TXNDC17: variants seen among roughly 807,000 people sequenced by gnomAD.
The protein encoded by TXNDC17 is thioredoxin domain containing 17, also known as thioredoxin domain-containing protein 17.
TXNDC17 carries 12 observed loss-of-function variants against 16.3 expected under a neutral mutation model. The ratio of observed to expected loss-of-function variants is 0.74; its 90% CI spans 0.47 to 1.19. The LOEUF (loss-of-function observed/expected upper bound fraction) is 1.19. Ranked by LOEUF, TXNDC17 falls within the 50% of genes most tolerant of loss-of-function variation. The pLI is 0.00. For missense variants in TXNDC17, 158 were observed against 149.7 expected (o/e 1.06, Z -0.29); for synonymous variants, 62 against 55.0 (o/e 1.13, Z -0.56).
rs770661783 is a variant in TXNDC17 at position 6,644,494 on chromosome 17, T to C, written c.*1475T>C. The C allele has an allele frequency of 3.1e-6, 5 of 1,606,622 alleles. No individual in the cohort carries two copies. The Admixed American group carries it at 5.2e-5, about 17-fold the overall frequency. On this transcript the variant is annotated 3_prime_UTR_variant, in exon 4 of 4. Transcript: ENST00000250101. The stretch of plus-strand genomic sequence containing the variant: ...ATTTTCCCGATGTGTTATTTTGCTG[T>C]TGCTGCTCTGCCAAGGCTTGCTGAA...
intron 1 of TXNDC17, 181 bp from the exon 2 acceptor site, chr17:6,641,572 C>A: frequency 1.5e-6 from 1 of 686,216 alleles, no homozygotes; most frequent in Non-Finnish European, 2.5e-6. Context: ...GGATTTGGTC[C>A]TTACCCTTAA....
intron 2 of TXNDC17, chr17:6,642,048 T>G: frequency 1.5e-6 from 1 of 657,564 alleles, no homozygotes; most frequent in Non-Finnish European, 2.7e-6. Context: ...AGAACTTAGC[T>G]GGCTTTACTT....
At position 6,643,947 on chromosome 17, in the gene TXNDC17, T is replaced by A. The variant is rs1421688391; in HGVS notation, c.*928T>A. Reference sequence around the variant, plus strand: ...TCTTAAAGCCACCTTGCAAAGCAGGTAATACAGTTATTTCCTGTCCTGCAG... The same window carrying A: ...TCTTAAAGCCACCTTGCAAAGCAGGAAATACAGTTATTTCCTGTCCTGCAG... On this transcript the variant is annotated 3_prime_UTR_variant, in exon 4 of 4. Transcript: ENST00000250101. 4 of 396,160 alleles carry A rather than the reference T, an allele frequency of 1.0e-5. No homozygotes were observed. Among genetic ancestry groups the A allele is most frequent in the African/African-American group, 2.1e-5 (1 of 48,586 alleles). 24.5% of individuals were successfully genotyped at this position (396,160 alleles called of 1,614,324 possible).
rs1414771932 is a variant in TXNDC17, at chr17:6,643,223, A to G, written c.*204A>G. On this transcript the variant is annotated 3_prime_UTR_variant, in exon 4 of 4. Coordinates refer to ENST00000250101, the MANE Select transcript of TXNDC17 (RefSeq NM_032731.4). ...TTTTAAGATATAAAGAAGTCTTCAG[A>G]AATAGCAGTAAAGGCTCAAAGGAAC... The G allele has an allele frequency of 2.0e-6, 1 of 490,948 alleles. No individual in the cohort carries two copies. The highest frequency in any genetic ancestry group is 3.4e-5 in the East Asian group (1 of 29,726). The allele number at this position is 490,948 out of a possible 1,614,324, so 30.4% of individuals were successfully genotyped here. A position where few individuals can be genotyped will look rare whatever the true frequency, so the allele number is the denominator to read the frequency against.
intron 3 of TXNDC17, 47 bp downstream of exon 3, chr17:6,642,371 C>G: frequency 1.6e-6 from 2 of 1,289,760 alleles, no homozygotes; most frequent in Non-Finnish European, 1.1e-6. Flanking sequence ...TGTCAGAACT[C>G]TTTTAACTTG....
chr17:6,643,167 A>T lies in TXNDC17; in HGVS notation c.*148A>T. The T allele has an allele frequency of 1.6e-6, 1 of 632,718 alleles. No individual in the cohort carries two copies. Among genetic ancestry groups the T allele is most frequent in the African/African-American group, 1.8e-5 (1 of 54,270 alleles). The allele number at this position is 632,718 out of a possible 1,614,324, so 39.2% of individuals were successfully genotyped here. A position where few individuals can be genotyped will look rare whatever the true frequency, so the allele number is the denominator to read the frequency against. ...ATAGAGTGCTATTAAAATGCCCATG[A>T]ACCTTTAGTTTGCCTGTAATACATG... On this transcript the variant is annotated 3_prime_UTR_variant, in exon 4 of 4. Coordinates refer to ENST00000250101, the MANE Select transcript of TXNDC17 (RefSeq NM_032731.4).
In TXNDC17 at chr17:6,644,380, AG is replaced by A; in HGVS notation, c.*1363del. On this transcript the variant is annotated 3_prime_UTR_variant, in exon 4 of 4. Coordinates refer to ENST00000250101, the MANE Select transcript of TXNDC17 (RefSeq NM_032731.4). ...AGGGGCTACCATAATAAAGGTAGAT[AG>A]GAAGAGTTTTCATTTTTTTTGTCTT... The A allele has an allele frequency of 7.0e-7, 1 of 1,430,958 alleles. No individual in the cohort carries two copies. The highest frequency in any genetic ancestry group is 1.6e-5 in the South Asian group (1 of 62,590). 88.6% of individuals were successfully genotyped at this position (1,430,958 alleles called of 1,614,324 possible). A position where few individuals can be genotyped will look rare whatever the true frequency, so the allele number is the denominator to read the frequency against.
chr17:6,642,144 G>C (rs2285998), intron 2 of TXNDC17, 105 bp from the exon 3 acceptor site: 1 of 804,096 alleles, frequency 1.2e-6, no homozygotes, highest in Non-Finnish European at 2.0e-6. Flanking sequence ...GTGTTTGCAA[G>C]AACAGTGATT....
chr17:6,641,574 T>C (rs1017371958), intron 1 of TXNDC17, 179 bp from the exon 2 acceptor site: 1 of 687,984 alleles, frequency 1.5e-6, no homozygotes, highest in African/African-American at 1.8e-5. Flanking sequence ...ATTTGGTCCT[T>C]ACCCTTAACG....
In TXNDC17 at chr17:6,641,841, G is replaced by T. The variant is rs374974138; in HGVS notation, c.227+7G>T. 79 of 1,613,758 alleles carry T rather than the reference G, an allele frequency of 4.9e-5. No individual in the cohort carries two copies. The African/African-American group carries it at 9.6e-4, about 20-fold the overall frequency. On this transcript the variant is annotated splice_region_variant and intron_variant, in intron 2 of 3. Transcript: ENST00000250101. Reference sequence around the variant, plus strand: ...AAGTAGGAGAAAAGCCTTAGTAAGTGGCAATGTATAATCTACCTCGCAGAC... The same window carrying T: ...AAGTAGGAGAAAAGCCTTAGTAAGTTGCAATGTATAATCTACCTCGCAGAC...
chr17:6,643,116 T>TA lies in TXNDC17; in HGVS notation c.*104dup, dbSNP rs563191962. ...AATTCATGTTAGCAATAAATGATGTTAAAAAAACTGGCATGTGTCTAAACA... is the reference window on the plus strand; with the variant it reads ...AATTCATGTTAGCAATAAATGATGTTAAAAAAAACTGGCATGTGTCTAAACA... On this transcript the variant is annotated 3_prime_UTR_variant, in exon 4 of 4. Transcript: ENST00000250101. 1.0e-3 allele frequency: 1,132 copies of TA among 1,129,668 alleles called. 9 individuals are homozygous for TA. The highest frequency in any genetic ancestry group is 6.4e-3 in the African/African-American group (415 of 64,800). 70.0% of individuals were successfully genotyped at this position (1,129,668 alleles called of 1,614,324 possible).
chr17:6,641,849 A>G lies in TXNDC17; in HGVS notation c.227+15A>G, dbSNP rs763764095. On this transcript the variant is annotated intron_variant, in intron 2 of 3. Coordinates refer to ENST00000250101, the MANE Select transcript of TXNDC17 (RefSeq NM_032731.4). ...GAAAAGCCTTAGTAAGTGGCAATGT[A>G]TAATCTACCTCGCAGACGTGCACAA... 4 of 1,612,308 alleles carry G rather than the reference A, an allele frequency of 2.5e-6. No homozygotes were observed. The highest frequency in any genetic ancestry group is 1.7e-6 in the Non-Finnish European group (2 of 1,178,348).
rs981783224 is a variant in TXNDC17 at position 6,642,072 on chromosome 17, A to G, written c.228-177A>G. The stretch of plus-strand genomic sequence containing the variant: ...CTGGCTTTACTTTTATATCTTAGTC[A>G]CACTTTGAAACTTTGCACAGGGTAA... On this transcript the variant is annotated intron_variant, in intron 2 of 3. Coordinates refer to ENST00000250101, the MANE Select transcript of TXNDC17 (RefSeq NM_032731.4). The G allele has an allele frequency of 1.2e-5, 8 of 659,312 alleles. No homozygotes were observed. In the African/African-American group the frequency reaches 1.3e-4, roughly 11 times the overall value. The allele number at this position is 659,312 out of a possible 1,614,324, so 40.8% of individuals were successfully genotyped here.
chr17:6,642,875 A>G, intron 3 of TXNDC17, 76 bp from the exon 4 acceptor site: 1 of 1,084,194 alleles, frequency 9.2e-7, no homozygotes. Flanking sequence ...GATGAGTGTC[A>G]TTCAAGGCAG....
Position 6,644,121 on chromosome 17 carries a change from G to C in TXNDC17, c.*1102G>C. 1 of 419,112 alleles carries C rather than the reference G, an allele frequency of 2.4e-6. No individual in the cohort carries two copies. The highest frequency in any genetic ancestry group is 4.2e-6 in the Non-Finnish European group (1 of 237,678). 26.0% of individuals were successfully genotyped at this position (419,112 alleles called of 1,614,324 possible). A position where few individuals can be genotyped will look rare whatever the true frequency, so the allele number is the denominator to read the frequency against. On this transcript the variant is annotated 3_prime_UTR_variant, in exon 4 of 4. Coordinates refer to ENST00000250101, the MANE Select transcript of TXNDC17 (RefSeq NM_032731.4). ...ATGGTCTTGCCCTACTATATGTCAGGAACAGCTAGCCTTAGAATTCAGTAT... is the reference window on the plus strand; with the variant it reads ...ATGGTCTTGCCCTACTATATGTCAGCAACAGCTAGCCTTAGAATTCAGTAT...
At chr17:6,642,758 G>C in intron 3 of TXNDC17, 193 bp from the exon 4 acceptor site, 1 of 574,924 alleles carries the variant, frequency 1.7e-6, no homozygotes, top group East Asian at 2.9e-5. Flanking sequence ...TAAGTCTCTT[G>C]AGCCAAGTAT....
At chr17:6,642,894 C>A in intron 3 of TXNDC17, 57 bp from the exon 4 acceptor site, 1 of 1,311,610 alleles carries the variant, frequency 7.6e-7, no homozygotes, top group Non-Finnish European at 1.1e-6. Flanking sequence ...AGAACTCATT[C>A]CACTCCTAAT....
intron 1 of TXNDC17, chr17:6,641,437 C>A: frequency 4.1e-6 from 3 of 731,710 alleles, no homozygotes; most frequent in African/African-American, 1.8e-5. Context: ...ATCTTGGAAT[C>A]TAGTTCCTTA....
intron 2 of TXNDC17, 85 bp downstream of exon 2, chr17:6,641,919 G>C: frequency 8.2e-7 from 1 of 1,213,738 alleles, no homozygotes; most frequent in Non-Finnish European, 1.2e-6. Context: ...TACTTACCCA[G>C]TTTGTCTTAC....
Sources: allele counts gnomAD v4.1 joint callset, GRCh38; gene constraint gnomAD v4.1.1; transcripts MANE v1.5; gene names NCBI Gene and HGNC (gene_info 2026-07-23, HGNC 2026-07-21).